CHD1: variants seen among roughly 807,000 people sequenced by gnomAD.
CHD1 encodes the protein chromodomain helicase DNA binding protein 1, also known as ATP-dependent chromatin remodeler CHD1.
CHD1 carries 36 observed loss-of-function variants against 224.2 expected under a neutral mutation model. The ratio of observed to expected loss-of-function variants is 0.16; its 90% CI spans 0.12 to 0.21. The LOEUF is 0.21. Among genes scored for constraint, CHD1 ranks in the 10% least tolerant of loss-of-function variants. The probability of loss-of-function intolerance (pLI) is 1.00; values close to 1 mark genes in which losing one functional copy is unlikely to be tolerated. For missense variants in CHD1, 1,378 were observed against 1,994.8 expected (o/e 0.69, Z 5.89); for synonymous variants, 668 against 658.3 (o/e 1.01, Z -0.23).
chr5:98,883,457 G>C (rs532321873), intron 18 of CHD1, among the ~76,000 whole-genome samples: 1 of 151,914 alleles, frequency 6.6e-6, no homozygotes, highest in Non-Finnish European at 1.5e-5. Flanking sequence ...GGATAGGAAA[G>C]GAATGACACT....
At chr5:98,914,780 C>A (rs77965656) in intron 2 of CHD1, among the ~76,000 whole-genome samples, 235 of 152,306 alleles carry the variant, frequency 1.5e-3, no homozygotes, top group African/African-American at 5.5e-3. Flanking sequence ...GGTAGCCATT[C>A]CCTGGTTTCC....
chr5:98,862,383 G>A (rs963870827), intron 32 of CHD1, among the ~76,000 whole-genome samples: 2 of 152,114 alleles, frequency 1.3e-5, no homozygotes, highest in African/African-American at 4.8e-5. Context: ...GAAAAGTGAG[G>A]TGAGAGCACA....
At chr5:98,924,731 T>TGGGA (rs1486442750) in intron 2 of CHD1, among the ~76,000 whole-genome samples, 1 of 152,158 alleles carries the variant, frequency 6.6e-6, no homozygotes, top group Non-Finnish European at 1.5e-5. Context: ...ATCTCAGCAC[T>TGGGA]TTGGGAGCTC....
At chr5:98,895,264 A>T (rs372998177) in intron 12 of CHD1, among the ~76,000 whole-genome samples, 12 of 136,016 alleles carry the variant, frequency 8.8e-5, no homozygotes, top group African/African-American at 4.6e-4. Context: ...AGAAAACATA[A>T]GTGATTAATT....
intron 2 of CHD1, among the ~76,000 whole-genome samples, chr5:98,919,405 G>A (rs1752948547): frequency 6.6e-6 from 1 of 152,060 alleles, no homozygotes; most frequent in Non-Finnish European, 1.5e-5. Flanking sequence ...ACACTCAAAG[G>A]GGTGAGAGAA....
Position 98,903,798 on chromosome 5 carries a change from T to C in CHD1, c.366A>G (p.Ser122=), listed in dbSNP as rs1015948367. ...QQHQASSNSG[S]EEDSSSSEDS... is the part of the protein sequence containing the mutation. ...GCTCATGATGAAAATGCACCTCTTC[T>C]GATCCGCTATTAGATGAGGCTTGAT... Residue 122 remains serine, a synonymous_variant, in exon 4 of 36, where the codon TCA becomes TCG. Transcript: ENST00000614616. The C allele has an allele frequency of 6.2e-7, 1 of 1,610,230 alleles. No individual in the cohort carries two copies. The highest frequency in any genetic ancestry group is 8.5e-7 in the Non-Finnish European group (1 of 1,176,528).
In CHD1 at chr5:98,926,253, TAAC is replaced by T. The variant is rs141604070; in HGVS notation, c.53+78_53+80del. The T allele has an allele frequency of 3.4e-4, 297 of 862,216 alleles. 3 individuals are homozygous for T. The Middle Eastern group carries it at 5.3e-3, about 15-fold the overall frequency. The allele number at this position is 862,216 out of a possible 1,614,324, so 53.4% of individuals were successfully genotyped here. A position where few individuals can be genotyped will look rare whatever the true frequency, so the allele number is the denominator to read the frequency against. On this transcript the variant is annotated intron_variant, in intron 2 of 35. Coordinates refer to ENST00000614616, the MANE Select transcript of CHD1 (RefSeq NM_001270.4). ...TCTGCTACCTATGAGGAAAACTAAA[TAAC>T]AACAATAACAATAAAGAAAAAAGTC...
chr5:98,863,609 T>C (rs943568515), intron 31 of CHD1, 23 bp from the exon 32 acceptor site: 12 of 1,553,734 alleles, frequency 7.7e-6, no homozygotes, highest in Non-Finnish European at 1.0e-5. Flanking sequence ...AAAACAAGAA[T>C]ATAAACACAT....
At chr5:98,875,320 G>A (rs1256877987) in intron 24 of CHD1, among the ~76,000 whole-genome samples, 1 of 152,122 alleles carries the variant, frequency 6.6e-6, no homozygotes. Context: ...TAACATCCAA[G>A]ATGATGTTTA....
chr5:98,856,467 T>A lies in CHD1; in HGVS notation c.5046A>T (p.Arg1682Ser), dbSNP rs748248071. The change falls in exon 36 of 36, where the codon AGA becomes AGT. Residue 1682 changes from arginine (R) to serine (S), a missense_variant. By Grantham distance (110) the Arg-to-Ser change is moderately radical. This residue lies in a region of CHD1 where 278 missense variants were observed against 298.5 expected (regional missense o/e 0.93). Coordinates refer to ENST00000614616, the MANE Select transcript of CHD1 (RefSeq NM_001270.4). ...SSGPRSPLDQ[R>S]SPYGSRSPFE... ...ATGGAGATCTGGAGCCATAAGGAGATCTCTGATCTAGTGGTGACCTAGGGC... is the reference window on the plus strand; with the variant it reads ...ATGGAGATCTGGAGCCATAAGGAGAACTCTGATCTAGTGGTGACCTAGGGC... 6.3e-7 allele frequency: 1 copy of A among 1,599,918 alleles called. No homozygotes were observed. The highest frequency in any genetic ancestry group is 8.6e-7 in the Non-Finnish European group (1 of 1,167,478).
intron 2 of CHD1, among the ~76,000 whole-genome samples, chr5:98,925,223 C>A (rs1194650460): frequency 1.3e-5 from 2 of 152,072 alleles, no homozygotes; most frequent in Admixed American, 6.6e-5. Context: ...ATTTTAAGCC[C>A]TTTACATGAA....
At chr5:98,869,467 T>A in intron 30 of CHD1, 1 of 323,422 alleles carries the variant, frequency 3.1e-6, no homozygotes, top group Non-Finnish European at 5.3e-6. Flanking sequence ...CATAATACAA[T>A]TAAAAGAGAC....
At chr5:98,922,027 C>T (rs1483746767) in intron 2 of CHD1, among the ~76,000 whole-genome samples, 1 of 152,042 alleles carries the variant, frequency 6.6e-6, no homozygotes, top group Non-Finnish European at 1.5e-5. Context: ...GTGGCGGGCA[C>T]CTATAATCCC....
At position 98,928,700 on chromosome 5, in the gene CHD1, A is replaced by AGCCCCGGTCC. The variant is rs1474374113; in HGVS notation, c.-320_-311dup. The AGCCCCGGTCC allele has an allele frequency of 6.5e-6, 1 of 153,696 alleles. No homozygotes were observed. Among genetic ancestry groups the AGCCCCGGTCC allele is most frequent in the East Asian group, 1.9e-4 (1 of 5,184 alleles). 9.5% of individuals were successfully genotyped at this position (153,696 alleles called of 1,614,324 possible). ...GGGACAGACGCGGAGGGGAAGGGGA[A>AGCCCCGGTCC]GCCCCGGTCCGCAGCACCAACGCGC... On this transcript the variant is annotated 5_prime_UTR_variant, in exon 1 of 36. Transcript: ENST00000614616.
chr5:98,863,566 A>G lies in CHD1; in HGVS notation c.4269T>C (p.Pro1423=). 4.4e-6 allele frequency: 7 copies of G among 1,604,818 alleles called. No individual in the cohort carries two copies. The highest frequency in any genetic ancestry group is 5.9e-6 in the Non-Finnish European group (7 of 1,177,588). The change falls in exon 32 of 36, where the codon CCT becomes CCC. Residue 1423 remains proline, a synonymous_variant. Transcript: ENST00000614616. The stretch of plus-strand genomic sequence containing the variant: ...CAAGTTGTTTCAAAGCTGCTTTAAC[A>G]GGCCTCATTCTTTCTTTACACTTTA... The part of the protein sequence containing the change: ...TFSICKERMR[P]VKAALKQLDR...
intron 8 of CHD1, 66 bp from the exon 9 acceptor site, chr5:98,898,830 C>A (rs1751508008): frequency 3.5e-6 from 3 of 856,686 alleles, no homozygotes; most frequent in South Asian, 2.9e-5. Context: ...ACTCCCCCAT[C>A]CCCAACACTA....
chr5:98,919,218 TA>T (rs1474904429), intron 2 of CHD1, among the ~76,000 whole-genome samples: 1 of 152,176 alleles, frequency 6.6e-6, no homozygotes, highest in Non-Finnish European at 1.5e-5. Flanking sequence ...TTCTGTACAT[TA>T]CTGGAGTACA....
chr5:98,888,061 AAAC>A, intron 17 of CHD1, 24 bp downstream of exon 17: 1 of 1,454,788 alleles, frequency 6.9e-7, no homozygotes, highest in Non-Finnish European at 9.3e-7. Context: ...ATAAAATTTA[AAAC>A]AACAAATACA....
intron 1 of CHD1, among the ~76,000 whole-genome samples, chr5:98,928,170 G>T (rs1217629068): frequency 1.3e-5 from 2 of 151,350 alleles, no homozygotes; most frequent in Admixed American, 6.6e-5. Context: ...GCTCGCCCGA[G>T]CCGCCGCCCC....
Sources: gnomAD v4.1 joint callset for allele counts (sites outside exome capture counted in the v4.1 genomes callset) on GRCh38, gnomAD v4.1.1 for gene constraint, gnomAD v4.1.1 regional missense constraint, MANE v1.5 for transcripts, NCBI Gene and HGNC (gene_info 2026-07-23, HGNC 2026-07-21) for gene names.